SLC25A20: variants seen among roughly 807,000 people sequenced by gnomAD.
SLC25A20 encodes mitochondrial carnitine/acylcarnitine carrier protein.
Under a neutral mutation model 39.7 loss-of-function variants are expected in SLC25A20, and 29 were observed. The ratio of observed to expected loss-of-function variants is 0.73; its 90% CI spans 0.54 to 1.00. SLC25A20 has a LOEUF of 1.00. SLC25A20 is among the 50% of genes least tolerant of loss of function. The pLI, the probability that SLC25A20 is intolerant of heterozygous loss-of-function variation, is 0.00. For synonymous variants in SLC25A20, 103 were observed against 142.2 expected (o/e 0.72, Z 1.96); for missense variants, 333 against 379.9 (o/e 0.88, Z 1.03).
chr3:48,859,461 G>T, intron 6 of SLC25A20, 94 bp downstream of exon 6: 1 of 1,080,938 alleles, frequency 9.3e-7, no homozygotes, highest in Non-Finnish European at 1.4e-6. Flanking sequence ...ATGGAGCCAG[G>T]AACAACAACT....
At chr3:48,862,927 C>T (rs2083638466) in intron 4 of SLC25A20, among the ~76,000 whole-genome samples, 2 of 152,184 alleles carry the variant, frequency 1.3e-5, no homozygotes, top group South Asian at 2.1e-4. Context: ...TGCAGTGGCT[C>T]ATGCCTATAA....
intron 2 of SLC25A20, among the ~76,000 whole-genome samples, chr3:48,886,190 T>A (rs922353401): frequency 2.0e-5 from 3 of 152,104 alleles, no homozygotes; most frequent in African/African-American, 7.2e-5. Flanking sequence ...TAAAATAATG[T>A]ACCACAAATA....
chr3:48,893,361 C>T (rs1292607126), intron 1 of SLC25A20, among the ~76,000 whole-genome samples: 2 of 152,006 alleles, frequency 1.3e-5, no homozygotes, highest in Non-Finnish European at 2.9e-5. Context: ...ATTAGCCCAT[C>T]TTCAGAGAAA....
intron 1 of SLC25A20, among the ~76,000 whole-genome samples, chr3:48,894,183 T>TTC (rs375593797): frequency 0.051 from 5,664 of 110,134 alleles, 196 homozygotes; most frequent in African/African-American, 0.08. Context: ...AAGAAGAAGA[T>TTC]TCTCTCTCTC....
chr3:48,865,364 G>A lies in SLC25A20; in HGVS notation c.418-2705C>T, dbSNP rs1413463056. Among the ~76,000 whole-genome samples, 5 of 151,938 alleles carry A rather than the reference G, an allele frequency of 3.3e-5. No homozygotes were observed. The South Asian group carries it at 8.3e-4, about 25-fold the overall frequency. Reference sequence around the variant, plus strand: ...GATGGTCTCGATCTCTTGACCTCGTGATCCATCCGCCTCGGCCACCCAAAG... The same window carrying A: ...GATGGTCTCGATCTCTTGACCTCGTAATCCATCCGCCTCGGCCACCCAAAG... On this transcript the variant is annotated intron_variant, in intron 4 of 8. Coordinates refer to ENST00000319017, the MANE Select transcript of SLC25A20 (RefSeq NM_000387.6).
At chr3:48,862,443 G>T (rs2083635268) in intron 5 of SLC25A20, 99 bp downstream of exon 5, 1 of 788,792 alleles carries the variant, frequency 1.3e-6, no homozygotes, top group African/African-American at 1.7e-5. Flanking sequence ...GACATGCATG[G>T]TGCCAAGGCT....
intron 5 of SLC25A20, among the ~76,000 whole-genome samples, chr3:48,860,967 G>A (rs555159332): frequency 9.3e-5 from 14 of 151,220 alleles, no homozygotes; most frequent in Admixed American, 8.6e-4. Flanking sequence ...CTGAGTAGCT[G>A]GGATGCATGC....
intron 4 of SLC25A20, among the ~76,000 whole-genome samples, chr3:48,872,283 A>G (rs1206660799): frequency 6.6e-6 from 1 of 151,668 alleles, no homozygotes; most frequent in East Asian, 1.9e-4. Flanking sequence ...GGTGCACGCC[A>G]CCATGCCTGG....
intron 2 of SLC25A20, among the ~76,000 whole-genome samples, chr3:48,887,104 T>G (rs140998403): frequency 9.3e-4 from 141 of 152,294 alleles, no homozygotes; most frequent in African/African-American, 3.2e-3. Context: ...GACAGAGATC[T>G]GAGGAGGATC....
At chr3:48,869,248 C>A (rs1424587870) in intron 4 of SLC25A20, among the ~76,000 whole-genome samples, 1 of 152,176 alleles carries the variant, frequency 6.6e-6, no homozygotes, top group Non-Finnish European at 1.5e-5. Context: ...AAAAGACTAG[C>A]AATATTTGCC....
At chr3:48,888,822 C>A (rs763523691) in intron 2 of SLC25A20, among the ~76,000 whole-genome samples, 3 of 151,818 alleles carry the variant, frequency 2.0e-5, no homozygotes, top group Non-Finnish European at 4.4e-5. Context: ...CGTGGTGGCT[C>A]ATGCCTGTAA....
At chr3:48,871,782 A>T (rs2083717091) in intron 4 of SLC25A20, among the ~76,000 whole-genome samples, 1 of 151,308 alleles carries the variant, frequency 6.6e-6, no homozygotes, top group Non-Finnish European at 1.5e-5. Context: ...AAAAAAAAAA[A>T]AAAAGAGAGA....
chr3:48,883,143 C>T (rs1194946368), intron 3 of SLC25A20, among the ~76,000 whole-genome samples: 5 of 151,750 alleles, frequency 3.3e-5, no homozygotes, highest in South Asian at 2.1e-4. Context: ...TACAGTGAGC[C>T]GAGATTGCGC....
intron 1 of SLC25A20, 66 bp from the exon 2 acceptor site, chr3:48,892,138 C>T (rs2083882349): frequency 1.7e-6 from 2 of 1,205,478 alleles, no homozygotes; most frequent in East Asian, 4.7e-5. Flanking sequence ...AGCAATGGCC[C>T]AACTGTCTGC....
chr3:48,864,565 T>C (rs1342102223), intron 4 of SLC25A20, among the ~76,000 whole-genome samples: 1 of 152,012 alleles, frequency 6.6e-6, no homozygotes, highest in East Asian at 1.9e-4. Flanking sequence ...AATGGTTTTT[T>C]TTTTTTTTGG....
chr3:48,873,419 C>A (rs900952006), intron 4 of SLC25A20, among the ~76,000 whole-genome samples: 17 of 141,196 alleles, frequency 1.2e-4, no homozygotes, highest in Non-Finnish European at 1.5e-5. Context: ...GACCATCCTG[C>A]CCAACATGGT....
At chr3:48,858,424 T>C in intron 8 of SLC25A20, 83 bp downstream of exon 8, 1 of 1,595,334 alleles carries the variant, frequency 6.3e-7, no homozygotes, top group Non-Finnish European at 8.6e-7. Context: ...ACCCCAGTCC[T>C]ATCCCAGGAA....
intron 4 of SLC25A20, among the ~76,000 whole-genome samples, chr3:48,865,944 C>T (rs182228022): frequency 5.2e-4 from 78 of 150,372 alleles, no homozygotes; most frequent in African/African-American, 1.9e-3. Context: ...TCCTGGCCAA[C>T]ATGGTGAAAC....
At chr3:48,875,980 A>G (rs1308201781) in intron 4 of SLC25A20, among the ~76,000 whole-genome samples, 2 of 152,162 alleles carry the variant, frequency 1.3e-5, no homozygotes, top group Non-Finnish European at 2.9e-5. Context: ...CAGCCACTGC[A>G]CTACAGAGAC....
Sources: gnomAD v4.1 joint callset for allele counts (sites outside exome capture counted in the v4.1 genomes callset) on GRCh38, gnomAD v4.1.1 for gene constraint, MANE v1.5 for transcripts, NCBI Gene and HGNC (gene_info 2026-07-23, HGNC 2026-07-21) for gene names.